Variants in WWOX observed in about 807,000 individuals in gnomAD.
WWOX encodes the protein WW domain-containing oxidoreductase.
In WWOX, 69 loss-of-function variants were observed where a neutral mutation model predicts 46.2. That is an observed-to-expected ratio of 1.49 (90% confidence interval 1.23 to 1.82). The LOEUF is 1.82. Among genes scored for constraint, WWOX ranks in the 40% most tolerant of loss-of-function variants. The pLI is 0.00. For synonymous variants in WWOX, 359 were observed against 202.6 expected (o/e 1.77, Z -6.56); for missense variants, 919 against 542.6 (o/e 1.69, Z -6.89).
At chr16:78,481,622 T>C (rs986084983) in intron 8 of WWOX, among the ~76,000 whole-genome samples, 2 of 140,850 alleles carry the variant, frequency 1.4e-5, no homozygotes, top group African/African-American at 5.7e-5. Flanking sequence ...CTGAGCCTAG[T>C]TGATGGAATT....
At chr16:78,654,123 G>A (rs369500067) in intron 8 of WWOX, among the ~76,000 whole-genome samples, 40 of 152,276 alleles carry the variant, frequency 2.6e-4, no homozygotes, top group African/African-American at 9.1e-4. Flanking sequence ...CAAAGGCCAG[G>A]GTCTGGACTC....
chr16:78,739,581 C>G (rs1440943221), intron 8 of WWOX, among the ~76,000 whole-genome samples: 1 of 152,094 alleles, frequency 6.6e-6, no homozygotes, highest in Non-Finnish European at 1.5e-5. Flanking sequence ...GAGGCTGAGG[C>G]AGATAAATCA....
Position 78,448,178 on chromosome 16 carries a change from A to C in WWOX, c.1056+15426A>C, listed in dbSNP as rs377388019. On this transcript the variant is annotated intron_variant, in intron 8 of 8. Transcript: ENST00000566780. ...ACTTGCCCCCAATCCATGCAATGAAATACTGGCCTGTGAGTATGTGGTCCC... is the reference window on the plus strand; with the variant it reads ...ACTTGCCCCCAATCCATGCAATGAACTACTGGCCTGTGAGTATGTGGTCCC... Among the ~76,000 whole-genome samples the C allele has an allele frequency of 5.3e-5, 8 of 152,272 alleles. 1 individual carries two copies. The East Asian group carries it at 1.5e-3, about 29-fold the overall frequency.
At chr16:79,093,831 TA>T (rs2049013920) in intron 8 of WWOX, among the ~76,000 whole-genome samples, 2 of 152,002 alleles carry the variant, frequency 1.3e-5, no homozygotes, top group Non-Finnish European at 2.9e-5. Flanking sequence ...AGGCCTGAAG[TA>T]AAAAGGGAAA....
At chr16:78,519,329 G>A (rs1325656241) in intron 8 of WWOX, among the ~76,000 whole-genome samples, 1 of 152,064 alleles carries the variant, frequency 6.6e-6, no homozygotes, top group African/African-American at 2.4e-5. Flanking sequence ...ATGTTGCTCT[G>A]GTAATAGTCA....
intron 8 of WWOX, chr16:78,895,942 C>G (rs1461088365): frequency 1.3e-5 from 2 of 152,138 alleles, no homozygotes; most frequent in African/African-American, 2.4e-5. Flanking sequence ...TGAATTTGGT[C>G]TTGACGCTGA....
At chr16:78,379,468 C>G (rs533342059) in intron 5 of WWOX, among the ~76,000 whole-genome samples, 17 of 152,120 alleles carry the variant, frequency 1.1e-4, no homozygotes, top group Non-Finnish European at 1.9e-4. Context: ...GCCACTGTAC[C>G]GACGTGTTCC....
At chr16:78,937,125 C>G (rs1254298240) in intron 8 of WWOX, among the ~76,000 whole-genome samples, 1 of 152,028 alleles carries the variant, frequency 6.6e-6, no homozygotes, top group Non-Finnish European at 1.5e-5. Flanking sequence ...CATTCCAATT[C>G]CTAGATTTAA....
chr16:78,407,165 A>AT (rs370591059), intron 6 of WWOX, among the ~76,000 whole-genome samples: 1 of 152,068 alleles, frequency 6.6e-6, no homozygotes, highest in African/African-American at 2.4e-5. Flanking sequence ...ATTCTACATT[A>AT]TTTTTTTCCC....
intron 8 of WWOX, among the ~76,000 whole-genome samples, chr16:79,155,704 CA>C (rs2050368033): frequency 6.6e-6 from 1 of 152,068 alleles, no homozygotes; most frequent in Non-Finnish European, 1.5e-5. Context: ...GGAGGGGCCT[CA>C]ATTCTACATT....
intron 8 of WWOX, among the ~76,000 whole-genome samples, chr16:78,671,709 G>T (rs935400373): frequency 1.3e-5 from 2 of 152,086 alleles, no homozygotes; most frequent in African/African-American, 4.8e-5. Context: ...CAGAGTAAGT[G>T]ACCAATAAAT....
intron 3 of WWOX, among the ~76,000 whole-genome samples, 178 bp from the exon 4 acceptor site, chr16:78,114,798 A>G (rs1229574649): frequency 6.6e-6 from 1 of 152,080 alleles, no homozygotes; most frequent in Non-Finnish European, 1.5e-5. Flanking sequence ...TTTTTTTGGC[A>G]CAAATGTGAT....
intron 5 of WWOX, among the ~76,000 whole-genome samples, chr16:78,320,774 T>C (rs1025686136): frequency 6.6e-6 from 1 of 152,158 alleles, no homozygotes; most frequent in Admixed American, 6.5e-5. Flanking sequence ...ATACCTTGCC[T>C]AACAGAAGAG....
intron 8 of WWOX, among the ~76,000 whole-genome samples, chr16:79,189,734 G>A (rs1162912963): frequency 1.6e-4 from 24 of 151,882 alleles, no homozygotes; most frequent in Admixed American, 1.4e-3. Flanking sequence ...GTTTCATCCC[G>A]CCGTGTTCAT....
chr16:78,122,627 C>T (rs540613330), intron 4 of WWOX, among the ~76,000 whole-genome samples: 55 of 147,728 alleles, frequency 3.7e-4, no homozygotes, highest in Admixed American at 8.8e-4. Context: ...TTTTTTGAGA[C>T]GGTGCCTTGC....
rs144862956 is a variant in WWOX at position 78,730,025 on chromosome 16, C to G, written c.1056+297273C>G. Among the ~76,000 whole-genome samples, 4 of 152,240 alleles carry G rather than the reference C, an allele frequency of 2.6e-5. No individual in the cohort carries two copies. The East Asian group carries it at 7.8e-4, about 30-fold the overall frequency. ...ATCCTTGTGTTACTTCCAGTTGTTT[C>G]TTATGATAAGTAACAGTGACTTTGA... On this transcript the variant is annotated intron_variant, in intron 8 of 8. Coordinates refer to ENST00000566780, the MANE Select transcript of WWOX (RefSeq NM_016373.4).
chr16:78,583,902 T>C (rs2045126558), intron 8 of WWOX, among the ~76,000 whole-genome samples: 1 of 152,166 alleles, frequency 6.6e-6, no homozygotes, highest in Non-Finnish European at 1.5e-5. Context: ...GGGGGAATAT[T>C]TTAGGCATCC....
chr16:79,070,925 T>C (rs1020245051), intron 8 of WWOX, among the ~76,000 whole-genome samples: 3 of 152,158 alleles, frequency 2.0e-5, no homozygotes, highest in African/African-American at 4.8e-5. Flanking sequence ...ACAGAACATT[T>C]TGACAATACA....
chr16:78,376,540 C>T (rs965320725), intron 5 of WWOX, among the ~76,000 whole-genome samples: 3 of 152,146 alleles, frequency 2.0e-5, no homozygotes, highest in Non-Finnish European at 4.4e-5. Context: ...GTATAAATAG[C>T]TGATGACCAC....
Sources: allele counts gnomAD v4.1 joint callset (sites outside exome capture counted in the v4.1 genomes callset), GRCh38; gene constraint gnomAD v4.1.1; transcripts MANE v1.5; gene names NCBI Gene and HGNC (gene_info 2026-07-23, HGNC 2026-07-21).